TTBK2: variants seen among roughly 807,000 people sequenced by gnomAD.
TTBK2 encodes tau-tubulin kinase 2.
Under a neutral mutation model 110.8 loss-of-function variants are expected in TTBK2, and 28 were observed. That is an observed-to-expected ratio of 0.25 (90% confidence interval 0.19 to 0.35). TTBK2 has a LOEUF of 0.35. Ranked by LOEUF, TTBK2 falls within the 10% of genes least tolerant of loss-of-function variation. The pLI, the probability that TTBK2 is intolerant of heterozygous loss-of-function variation, is 1.00. For synonymous variants in TTBK2, 532 were observed against 527.3 expected, an observed-to-expected ratio of 1.01 and a Z score of -0.12; for missense variants, 1,369 against 1,500.3, an observed-to-expected ratio of 0.91 and a Z score of 1.45.
At chr15:42,897,067 T>C (rs138835702) in intron 1 of TTBK2, among the ~76,000 whole-genome samples, 1,744 of 151,992 alleles carry the variant, frequency 0.011, 29 homozygotes, top group African/African-American at 0.039. Context: ...TTAGTAGAGA[T>C]AGAGTTTCGC....
intron 4 of TTBK2, among the ~76,000 whole-genome samples, chr15:42,837,657 C>CAAAAAAAAA (rs35898464): frequency 2.5e-5 from 1 of 39,996 alleles, no homozygotes; most frequent in Non-Finnish European, 4.9e-5. Context: ...GACTCTGTCT[C>CAAAAAAAAA]AAAAAAAAAA....
intron 1 of TTBK2, among the ~76,000 whole-genome samples, chr15:42,917,025 C>T (rs1291213156): frequency 6.6e-6 from 1 of 152,076 alleles, no homozygotes; most frequent in Non-Finnish European, 1.5e-5. Flanking sequence ...GGTTAAATCT[C>T]GATAGCTTAC....
chr15:42,886,756 C>T (rs1895262182), intron 1 of TTBK2, among the ~76,000 whole-genome samples: 1 of 152,202 alleles, frequency 6.6e-6, no homozygotes, highest in Non-Finnish European at 1.5e-5. Context: ...TAAGCCACAG[C>T]GGTCAGGCGT....
At chr15:42,791,070 G>A (rs752382417) in intron 10 of TTBK2, among the ~76,000 whole-genome samples, 3 of 152,128 alleles carry the variant, frequency 2.0e-5, no homozygotes, top group Admixed American at 6.5e-5. Flanking sequence ...TGTATTTTTA[G>A]TAGAGACGGG....
At chr15:42,778,303 A>C (rs1890021489) in intron 11 of TTBK2, among the ~76,000 whole-genome samples, 1 of 151,574 alleles carries the variant, frequency 6.6e-6, no homozygotes, top group Admixed American at 6.6e-5. Flanking sequence ...AAAAAAAAAA[A>C]ACAAAAAAGG....
chr15:42,816,929 C>CACAT, intron 7 of TTBK2, 103 bp downstream of exon 7: 1 of 435,506 alleles, frequency 2.3e-6, no homozygotes, highest in Non-Finnish European at 3.2e-6. Context: ...AACAAATATA[C>CACAT]ATATATATAT....
chr15:42,795,814 A>T (rs923925821), intron 9 of TTBK2, among the ~76,000 whole-genome samples: 1 of 149,150 alleles, frequency 6.7e-6, no homozygotes, highest in African/African-American at 2.5e-5. Flanking sequence ...CTGTACTCCA[A>T]CCTGGGTGAC....
chr15:42,789,989 T>C (rs998684160), intron 10 of TTBK2, among the ~76,000 whole-genome samples: 2 of 152,004 alleles, frequency 1.3e-5, no homozygotes, highest in Admixed American at 1.3e-4. Context: ...CCTTATTTGG[T>C]CAACTAATTT....
intron 9 of TTBK2, among the ~76,000 whole-genome samples, chr15:42,804,527 G>A (rs1891375234): frequency 6.6e-6 from 1 of 152,060 alleles, no homozygotes; most frequent in Non-Finnish European, 1.5e-5. Flanking sequence ...ATCTAGAAAG[G>A]TTATCCAAAC....
At chr15:42,808,832 C>G (rs190759686) in intron 9 of TTBK2, among the ~76,000 whole-genome samples, 1 of 152,246 alleles carries the variant, frequency 6.6e-6, no homozygotes, top group Non-Finnish European at 1.5e-5. Flanking sequence ...GCCTTGCTGA[C>G]AGACCGAGAC....
chr15:42,745,759 A>C lies in TTBK2; in HGVS notation c.*36T>G. ...CACACATGCATCAGGTTTAGGAGGA[A>C]GATCTCACACCTTTCAAAGAGATGC... is the stretch of plus-strand genomic sequence containing the variant. On this transcript the variant is annotated 3_prime_UTR_variant, in exon 15 of 15. Transcript: ENST00000267890. 1.9e-6 allele frequency: 3 copies of C among 1,610,576 alleles called. No homozygotes were observed. The highest frequency in any genetic ancestry group is 2.5e-6 in the Non-Finnish European group (3 of 1,177,644).
chr15:42,836,162 A>G (rs1408172017), intron 4 of TTBK2, among the ~76,000 whole-genome samples: 1 of 152,204 alleles, frequency 6.6e-6, no homozygotes, highest in Non-Finnish European at 1.5e-5. Flanking sequence ...TCAGAAAAAA[A>G]AAATGTGTAC....
At chr15:42,844,909 T>A (rs959441324) in intron 3 of TTBK2, among the ~76,000 whole-genome samples, 7 of 152,172 alleles carry the variant, frequency 4.6e-5, no homozygotes, top group Non-Finnish European at 8.8e-5. Flanking sequence ...TGCCAAGCAC[T>A]AAACTAGGCA....
chr15:42,837,097 C>T (rs1047915774), intron 4 of TTBK2, among the ~76,000 whole-genome samples: 11 of 152,146 alleles, frequency 7.2e-5, no homozygotes, highest in Admixed American at 3.3e-4. Flanking sequence ...CGGTGGCTTA[C>T]GTCTAGAATC....
chr15:42,887,105 A>T (rs573735520), intron 1 of TTBK2, among the ~76,000 whole-genome samples: 1 of 152,170 alleles, frequency 6.6e-6, no homozygotes, highest in East Asian at 1.9e-4. Flanking sequence ...CCTTGCCTTC[A>T]TAAGTGTTGT....
chr15:42,902,346 C>G (rs190625329), intron 1 of TTBK2, among the ~76,000 whole-genome samples: 2 of 151,966 alleles, frequency 1.3e-5, no homozygotes, highest in East Asian at 3.9e-4. Flanking sequence ...CATGGTGAAA[C>G]CCCATCTCTA....
chr15:42,893,784 CAG>C (rs1182777675), intron 1 of TTBK2, among the ~76,000 whole-genome samples: 2 of 151,788 alleles, frequency 1.3e-5, no homozygotes, highest in Non-Finnish European at 2.9e-5. Flanking sequence ...AGGAATGAAA[CAG>C]GGGTTATCAC....
rs1889836616 is a variant in TTBK2 at position 42,774,990 on chromosome 15, T to C, written c.1998+145A>G. On this transcript the variant is annotated intron_variant, in intron 13 of 14. Coordinates refer to ENST00000267890, the MANE Select transcript of TTBK2 (RefSeq NM_173500.4). ...AAAAATTTCATATTGGAGGGTTGAC[T>C]ATAGAACTTAGTACAAAATCACTCC... The C allele has an allele frequency of 1.4e-5, 11 of 762,440 alleles. No individual in the cohort carries two copies. The South Asian group carries it at 1.8e-4, about 13-fold the overall frequency. The allele number at this position is 762,440 out of a possible 1,614,324, so 47.2% of individuals were successfully genotyped here.
intron 1 of TTBK2, among the ~76,000 whole-genome samples, chr15:42,893,857 A>C (rs1004448408): frequency 6.6e-6 from 1 of 152,210 alleles, no homozygotes; most frequent in African/African-American, 2.4e-5. Flanking sequence ...TTATACACAG[A>C]AAGTGAACAC....
Sources: gnomAD v4.1 joint callset for allele counts (sites outside exome capture counted in the v4.1 genomes callset) on GRCh38, gnomAD v4.1.1 for gene constraint, MANE v1.5 for transcripts, NCBI Gene and HGNC (gene_info 2026-07-23, HGNC 2026-07-21) for gene names.